The following ZDHHC14 variants were observed in gnomAD, a reference collection of about 807,000 sequenced individuals.
The protein encoded by ZDHHC14 is palmitoyltransferase ZDHHC14.
ZDHHC14 carries 16 observed loss-of-function variants against 47.7 expected under a neutral mutation model. The observed-to-expected ratio is 0.34, with a 90% CI of 0.23 to 0.51. The LOEUF is 0.51. ZDHHC14 is among the 20% of genes least tolerant of loss of function. The pLI is 0.97. For missense variants in ZDHHC14, 515 were observed against 662.5 expected (o/e 0.78, Z 2.44); for synonymous variants, 293 against 278.9 (o/e 1.05, Z -0.50).
At chr6:157,557,821 C>G (rs1434466244) in intron 2 of ZDHHC14, among the ~76,000 whole-genome samples, 1 of 152,238 alleles carries the variant, frequency 6.6e-6, no homozygotes, top group Non-Finnish European at 1.5e-5. Flanking sequence ...GAGGCCCATG[C>G]TGTGCAATCC....
At chr6:157,514,257 C>T (rs142958760) in intron 1 of ZDHHC14, among the ~76,000 whole-genome samples, 7 of 152,344 alleles carry the variant, frequency 4.6e-5, no homozygotes, top group African/African-American at 1.4e-4. Flanking sequence ...AAACAACCGA[C>T]AAGCCAGCTC....
intron 5 of ZDHHC14, among the ~76,000 whole-genome samples, chr6:157,637,453 G>A (rs1015813519): frequency 9.9e-5 from 15 of 152,242 alleles, no homozygotes; most frequent in African/African-American, 3.1e-4. Context: ...GCTTGAGAGT[G>A]TCTGTTGGGG....
chr6:157,448,732 A>G (rs1778736432), intron 1 of ZDHHC14, among the ~76,000 whole-genome samples: 1 of 152,206 alleles, frequency 6.6e-6, no homozygotes, highest in Non-Finnish European at 1.5e-5. Flanking sequence ...GTGCACCACC[A>G]TGCCCAGCTA....
chr6:157,670,549 C>T (rs1249028212), intron 8 of ZDHHC14, among the ~76,000 whole-genome samples: 1 of 152,156 alleles, frequency 6.6e-6, no homozygotes, highest in East Asian at 1.9e-4. Context: ...CCTGCCTTAG[C>T]CCCCCAAAGT....
At chr6:157,407,871 G>A (rs1777797885) in intron 1 of ZDHHC14, among the ~76,000 whole-genome samples, 1 of 152,214 alleles carries the variant, frequency 6.6e-6, no homozygotes, top group Admixed American at 6.5e-5. Context: ...ACCTGGCTAA[G>A]TAAACTTACC....
At chr6:157,558,136 CT>C in intron 2 of ZDHHC14, among the ~76,000 whole-genome samples, 1 of 152,252 alleles carries the variant, frequency 6.6e-6, no homozygotes, top group Admixed American at 6.5e-5. Context: ...GTTACATTCT[CT>C]TTTTTTGTAC....
At chr6:157,441,423 A>G (rs1421711237) in intron 1 of ZDHHC14, among the ~76,000 whole-genome samples, 1 of 152,220 alleles carries the variant, frequency 6.6e-6, no homozygotes, top group Admixed American at 6.5e-5. Flanking sequence ...TGGAAGTGTT[A>G]GATTGGCAGA....
At chr6:157,458,924 G>A (rs186950241) in intron 1 of ZDHHC14, among the ~76,000 whole-genome samples, 4 of 135,884 alleles carry the variant, frequency 2.9e-5, no homozygotes, top group East Asian at 2.2e-4. Flanking sequence ...GCATTATCTC[G>A]GCTCACTGCA....
chr6:157,664,594 T>G (rs1778474595), intron 8 of ZDHHC14, among the ~76,000 whole-genome samples: 1 of 152,208 alleles, frequency 6.6e-6, no homozygotes, highest in African/African-American at 2.4e-5. Context: ...GAAGATTGTT[T>G]GGTTTCAAGC....
Position 157,540,910 on chromosome 6 carries a change from G to GTATATATATATATATATATATATA in ZDHHC14, c.246-1674_246-1651dup, listed in dbSNP as rs1554264587. ...TGTATGTGTGTGTGTGTGTGTGTGT[G>GTATATATATATATATATATATATA]TATATATATATATATATATATATAA... On this transcript the variant is annotated intron_variant, in intron 1 of 8. Coordinates refer to ENST00000359775, the MANE Select transcript of ZDHHC14 (RefSeq NM_024630.3). Among the ~76,000 whole-genome samples, 69 of 122,952 alleles carry GTATATATATATATATATATATATA rather than the reference G, an allele frequency of 5.6e-4. 1 individual carries two copies. Among genetic ancestry groups the GTATATATATATATATATATATATA allele is most frequent in the African/African-American group, 2.5e-3 (57 of 23,040 alleles). 80.7% of individuals were successfully genotyped at this position (122,952 alleles called of 152,430 possible).
At chr6:157,487,678 T>C (rs1471381131) in intron 1 of ZDHHC14, among the ~76,000 whole-genome samples, 1 of 152,232 alleles carries the variant, frequency 6.6e-6, no homozygotes, top group Non-Finnish European at 1.5e-5. Flanking sequence ...CAAGGATTCA[T>C]GCATGGTTGG....
At chr6:157,516,715 G>A (rs1018567967) in intron 1 of ZDHHC14, among the ~76,000 whole-genome samples, 12 of 152,196 alleles carry the variant, frequency 7.9e-5, no homozygotes, top group Admixed American at 3.3e-4. Flanking sequence ...TCAAGTCTGC[G>A]CTGCAATAAA....
rs574456292 is a variant in ZDHHC14 at position 157,432,431 on chromosome 6, G to A, written c.245+50165G>A. ...AGCCCTTACTTCAGGGAGCTTACTA[G>A]CAGGTGTGGTTGCCCGGGGCTGCTT... On this transcript the variant is annotated intron_variant, in intron 1 of 8. Coordinates refer to ENST00000359775, the MANE Select transcript of ZDHHC14 (RefSeq NM_024630.3). Among the ~76,000 whole-genome samples the A allele has an allele frequency of 7.9e-5, 12 of 152,262 alleles. No homozygotes were observed. In the South Asian group the frequency reaches 2.3e-3, roughly 29 times the overall value.
chr6:157,466,729 G>T (rs34170902), intron 1 of ZDHHC14, among the ~76,000 whole-genome samples: 117,630 of 151,842 alleles, frequency 0.77, 45,884 homozygotes, highest in East Asian at 0.92. Context: ...TTCCAGCTAC[G>T]TGGGAGGCTG....
At chr6:157,460,057 C>CAAAAAAAAAAAAAAAAAA (rs35995673) in intron 1 of ZDHHC14, among the ~76,000 whole-genome samples, 1 of 118,232 alleles carries the variant, frequency 8.5e-6, no homozygotes, top group Non-Finnish European at 1.7e-5. Context: ...ACTAAAAATA[C>CAAAAAAAAAAAAAAAAAA]AAAAAAAAAA....
Position 157,542,765 on chromosome 6 carries a change from C to A in ZDHHC14, c.406+20C>A. 6.2e-7 allele frequency: 1 copy of A among 1,611,614 alleles called. No individual in the cohort carries two copies. Among genetic ancestry groups the A allele is most frequent in the Non-Finnish European group, 8.5e-7 (1 of 1,178,748 alleles). On this transcript the variant is annotated intron_variant, in intron 2 of 8. Transcript: ENST00000359775. ...AAATAGGTAACACTGAAAGTCTGCC[C>A]ATGGCCTCTGGTCACTTCCCGCCTG...
At chr6:157,605,210 G>A (rs1784491745) in intron 3 of ZDHHC14, among the ~76,000 whole-genome samples, 1 of 152,168 alleles carries the variant, frequency 6.6e-6, no homozygotes, top group Non-Finnish European at 1.5e-5. Context: ...TGGTTTGCTG[G>A]AACAGGTTAA....
Position 157,560,252 on chromosome 6 carries a change from G to T in ZDHHC14, c.406+17507G>T, listed in dbSNP as rs1782653194. 2.0e-5 allele frequency among the ~76,000 whole-genome samples: 3 copies of T among 152,164 alleles called. No homozygotes were observed. In the South Asian group the frequency reaches 6.2e-4, roughly 32 times the overall value. On this transcript the variant is annotated intron_variant, in intron 2 of 8. Coordinates refer to ENST00000359775, the MANE Select transcript of ZDHHC14 (RefSeq NM_024630.3). ...CAGCCAGGAAGCGGGGCCGACTGTTGCCACATCAGTTGCCTACACAACAGC... is the reference window on the plus strand; with the variant it reads ...CAGCCAGGAAGCGGGGCCGACTGTTTCCACATCAGTTGCCTACACAACAGC...
chr6:157,642,334 AG>A (rs1463081700), intron 5 of ZDHHC14, among the ~76,000 whole-genome samples: 1 of 152,216 alleles, frequency 6.6e-6, no homozygotes, highest in African/African-American at 2.4e-5. Flanking sequence ...CCCTTAGGGC[AG>A]GAAGCTGGTC....
Sources: gnomAD v4.1 joint callset for allele counts (sites outside exome capture counted in the v4.1 genomes callset) on GRCh38, gnomAD v4.1.1 for gene constraint, MANE v1.5 for transcripts, NCBI Gene and HGNC (gene_info 2026-07-23, HGNC 2026-07-21) for gene names.